Variants in ANKS1B observed in about 807,000 individuals in gnomAD.
ANKS1B encodes the protein ankyrin repeat and sterile alpha motif domain containing 1B.
Under a neutral mutation model 148.3 loss-of-function variants are expected in ANKS1B, and 36 were observed. The observed-to-expected ratio is 0.24, with a 90% CI of 0.19 to 0.32. The LOEUF is 0.32. ANKS1B is among the 10% of genes least tolerant of loss of function. The pLI, the probability that ANKS1B is intolerant of heterozygous loss-of-function variation, is 1.00. For missense variants in ANKS1B, 1,157 were observed against 1,542.6 expected (o/e 0.75, Z 4.19); for synonymous variants, 542 against 560.8 (o/e 0.97, Z 0.47).
chr12:99,906,543 GGATTCA>G (rs1212121150), intron 1 of ANKS1B, among the ~76,000 whole-genome samples: 1 of 152,154 alleles, frequency 6.6e-6, no homozygotes, highest in East Asian at 1.9e-4. Context: ...TTAGGCCAAT[GGATTCA>G]AGGAAGTGGG....
intron 12 of ANKS1B, among the ~76,000 whole-genome samples, chr12:99,345,671 G>C (rs2090567357): frequency 6.6e-6 from 1 of 151,794 alleles, no homozygotes; most frequent in African/African-American, 2.4e-5. Context: ...AGTGTCTGTG[G>C]GTTCCTATGG....
chr12:99,108,226 C>T (rs542777515), intron 15 of ANKS1B, among the ~76,000 whole-genome samples: 15 of 152,186 alleles, frequency 9.9e-5, no homozygotes, highest in East Asian at 5.8e-4. Flanking sequence ...GAAGATAAGC[C>T]GAATGACAGA....
At chr12:99,774,175 A>C (rs2063447954) in intron 7 of ANKS1B, among the ~76,000 whole-genome samples, 1 of 152,132 alleles carries the variant, frequency 6.6e-6, no homozygotes, top group African/African-American at 2.4e-5. Context: ...CAAATAAAAC[A>C]ATCAACACAC....
At chr12:99,592,794 A>C (rs537295900) in intron 9 of ANKS1B, among the ~76,000 whole-genome samples, 2 of 152,234 alleles carry the variant, frequency 1.3e-5, no homozygotes, top group East Asian at 3.9e-4. Flanking sequence ...GTGCTCAGGG[A>C]ACAGCCTAGT....
At chr12:98,762,732 C>T (rs61933565) in intron 25 of ANKS1B, among the ~76,000 whole-genome samples, 6 of 152,358 alleles carry the variant, frequency 3.9e-5, no homozygotes, top group Admixed American at 6.5e-5. Context: ...CCCTCCTCTG[C>T]GGTGCCACAA....
At chr12:99,806,045 C>A (rs1449722931) in intron 4 of ANKS1B, among the ~76,000 whole-genome samples, 1 of 152,186 alleles carries the variant, frequency 6.6e-6, no homozygotes, top group Non-Finnish European at 1.5e-5. Flanking sequence ...ACATACTCAA[C>A]AATGTTAAAG....
chr12:99,024,931 T>C (rs937039338), intron 17 of ANKS1B, among the ~76,000 whole-genome samples: 10 of 152,124 alleles, frequency 6.6e-5, no homozygotes, highest in Non-Finnish European at 1.3e-4. Context: ...TTCTAAGAAG[T>C]TTATCCTGCC....
chr12:99,604,705 C>T (rs543448150), intron 9 of ANKS1B, among the ~76,000 whole-genome samples: 10 of 150,510 alleles, frequency 6.6e-5, no homozygotes, highest in African/African-American at 2.4e-4. Context: ...ATCCCAGCTA[C>T]TTGGGAGACT....
chr12:99,688,652 C>T (rs567286091), intron 8 of ANKS1B, among the ~76,000 whole-genome samples: 3 of 152,160 alleles, frequency 2.0e-5, no homozygotes, highest in South Asian at 2.1e-4. Context: ...GCCTGGGCAA[C>T]ATAACAAGAC....
At chr12:99,185,438 C>A (rs2079690342) in intron 14 of ANKS1B, among the ~76,000 whole-genome samples, 1 of 152,092 alleles carries the variant, frequency 6.6e-6, no homozygotes, top group Non-Finnish European at 1.5e-5. Context: ...AAGAAGATGT[C>A]ATGAAGGTGG....
chr12:99,202,251 A>C (rs1435510303), intron 14 of ANKS1B, among the ~76,000 whole-genome samples: 2 of 152,240 alleles, frequency 1.3e-5, no homozygotes, highest in Non-Finnish European at 2.9e-5. Flanking sequence ...TAATAATCCA[A>C]CAGGACAAAT....
intron 22 of ANKS1B, among the ~76,000 whole-genome samples, chr12:98,797,914 T>G (rs530253087): frequency 4.6e-5 from 7 of 152,202 alleles, no homozygotes; most frequent in Non-Finnish European, 8.8e-5. Flanking sequence ...TGACTTTAGT[T>G]AGATGCTATA....
intron 15 of ANKS1B, among the ~76,000 whole-genome samples, chr12:99,112,635 C>T (rs1251692489): frequency 6.6e-6 from 1 of 152,038 alleles, no homozygotes; most frequent in Non-Finnish European, 1.5e-5. Flanking sequence ...GTACCAGGTA[C>T]ATAACAGATA....
At chr12:99,088,191 C>T (rs2052621649) in intron 15 of ANKS1B, among the ~76,000 whole-genome samples, 1 of 152,104 alleles carries the variant, frequency 6.6e-6, no homozygotes, top group African/African-American at 2.4e-5. Flanking sequence ...TAGAAATTTT[C>T]TATTTTATCT....
chr12:98,945,241 A>G (rs1003233313), intron 17 of ANKS1B, among the ~76,000 whole-genome samples: 1 of 152,134 alleles, frequency 6.6e-6, no homozygotes, highest in African/African-American at 2.4e-5. Flanking sequence ...TCTGCCTATA[A>G]TCCCAGTACT....
rs563747942 is a variant in ANKS1B, at chr12:99,401,958, C to T, written c.1576-2147G>A. On this transcript the variant is annotated intron_variant, in intron 11 of 26. Coordinates refer to ENST00000683438, the MANE Select transcript of ANKS1B (RefSeq NM_001352186.2). ...TCCCTCATTTAGTTATGGTCTATGA[C>T]TGCCCTCGTACTATAATTGCAGAGT... Among the ~76,000 whole-genome samples, 3 of 146,578 alleles carry T rather than the reference C, an allele frequency of 2.0e-5. 1 individual carries two copies. The highest frequency in any genetic ancestry group is 4.5e-5 in the Non-Finnish European group (3 of 66,268).
intron 17 of ANKS1B, among the ~76,000 whole-genome samples, chr12:98,839,042 C>T (rs1339001669): frequency 1.3e-5 from 2 of 152,216 alleles, no homozygotes; most frequent in South Asian, 4.1e-4. Context: ...ATTTTTCTCT[C>T]TTATTTCTTG....
chr12:99,960,201 T>C (rs769535410), intron 1 of ANKS1B, among the ~76,000 whole-genome samples: 2 of 152,230 alleles, frequency 1.3e-5, no homozygotes, highest in African/African-American at 2.4e-5. Context: ...CAAGTTCATC[T>C]ATATAAAAAG....
chr12:98,966,181 A>T (rs1251503905), intron 17 of ANKS1B, among the ~76,000 whole-genome samples: 1 of 152,142 alleles, frequency 6.6e-6, no homozygotes. Context: ...GAATCTACAA[A>T]GAACTCAAAC....
Sources: gnomAD v4.1 joint callset for allele counts (sites outside exome capture counted in the v4.1 genomes callset) on GRCh38, gnomAD v4.1.1 for gene constraint, MANE v1.5 for transcripts, NCBI Gene and HGNC (gene_info 2026-07-23, HGNC 2026-07-21) for gene names.